Variants in IKBKB observed in about 807,000 individuals in gnomAD.
The protein encoded by IKBKB is inhibitor of nuclear factor kappa B kinase subunit beta.
A neutral mutation model predicts 113.6 loss-of-function variants in IKBKB; 42 were observed. The ratio of observed to expected loss-of-function variants is 0.37; its 90% CI spans 0.29 to 0.48. IKBKB has a LOEUF of 0.48. Among genes scored for constraint, IKBKB ranks in the 20% least tolerant of loss-of-function variants. The pLI is 0.99. For missense variants in IKBKB, 673 were observed against 939.7 expected, an observed-to-expected ratio of 0.72 and a Z score of 3.71; for synonymous variants, 296 against 361.3, an observed-to-expected ratio of 0.82 and a Z score of 2.05.
intron 5 of IKBKB, among the ~76,000 whole-genome samples, chr8:42,297,831 G>A (rs2130421919): frequency 6.6e-6 from 1 of 152,192 alleles, no homozygotes; most frequent in East Asian, 1.9e-4. Flanking sequence ...GGAGGCAGAG[G>A]TTGCAGTGAG....
At chr8:42,296,888 T>A (rs190224522) in intron 5 of IKBKB, among the ~76,000 whole-genome samples, 1 of 152,232 alleles carries the variant, frequency 6.6e-6, no homozygotes, top group Non-Finnish European at 1.5e-5. Flanking sequence ...TGAGGTGATA[T>A]AAATAAAGCT....
intron 2 of IKBKB, among the ~76,000 whole-genome samples, chr8:42,280,485 G>A (rs532204269): frequency 7.9e-5 from 12 of 152,260 alleles, no homozygotes; most frequent in African/African-American, 2.2e-4. Context: ...GAGTGGGGGC[G>A]GGAAACACGA....
At chr8:42,315,455 T>G (rs1027066521) in intron 9 of IKBKB, among the ~76,000 whole-genome samples, 5 of 151,540 alleles carry the variant, frequency 3.3e-5, no homozygotes, top group Non-Finnish European at 7.4e-5. Context: ...GTTTGGGAGG[T>G]GGTGAGTAGC....
chr8:42,285,561 G>GA (rs1240465628), intron 2 of IKBKB, among the ~76,000 whole-genome samples: 1 of 152,068 alleles, frequency 6.6e-6, no homozygotes, highest in Non-Finnish European at 1.5e-5. Flanking sequence ...TCTCTAAAAA[G>GA]AAAAAATAGC....
chr8:42,297,981 C>T, intron 5 of IKBKB: 1 of 489,460 alleles, frequency 2.0e-6, no homozygotes, highest in Non-Finnish European at 2.7e-6. Context: ...TCTGCCAGAC[C>T]ATCACTCCAT....
intron 21 of IKBKB, 23 bp downstream of exon 21, chr8:42,329,237 T>C: frequency 6.5e-7 from 1 of 1,541,912 alleles, no homozygotes; most frequent in South Asian, 1.2e-5. Flanking sequence ...GTGAGACTCC[T>C]GCGATTCCAT....
chr8:42,323,873 A>G (rs1820238229), intron 19 of IKBKB, among the ~76,000 whole-genome samples: 1 of 152,212 alleles, frequency 6.6e-6, no homozygotes, highest in Admixed American at 6.5e-5. Flanking sequence ...CTGAATGCTA[A>G]CTATATGCCC....
At chr8:42,320,991 C>A (rs4737043) in intron 16 of IKBKB, 147 bp downstream of exon 16, 3 of 520,630 alleles carry the variant, frequency 5.8e-6, no homozygotes, top group Non-Finnish European at 1.0e-5. Flanking sequence ...AGCAAATCAT[C>A]ACTGAGCTTC....
chr8:42,325,990 C>T lies in IKBKB; in HGVS notation c.2007C>T (p.Val669=). The change falls in exon 20 of 22, where the codon GTC becomes GTT. Residue 669 remains valine, a synonymous_variant. Transcript: ENST00000520810. The part of the protein sequence containing the change: ...KIACSKVRGP[V]SGSPDSMNAS... ...CCTAGAGCAAGGTCCGTGGTCCTGT[C>T]AGTGGAAGCCCGGATAGCATGAATG... 2 of 1,614,204 alleles carry T rather than the reference C, an allele frequency of 1.2e-6. No individual in the cohort carries two copies. The highest frequency in any genetic ancestry group is 1.6e-4 in the Middle Eastern group (1 of 6,062).
At position 42,318,689 on chromosome 8, in the gene IKBKB, C is replaced by CT. The variant is rs772463609; in HGVS notation, c.1364+23dup. 136 of 1,563,756 alleles carry CT rather than the reference C, an allele frequency of 8.7e-5. No individual in the cohort carries two copies. The highest frequency in any genetic ancestry group is 2.6e-4 in the South Asian group (22 of 85,456). ...GCGAGCCGCCATGTAGCGTGCCAGGCTTTTTTTTTAAACTTAATTTATTTA... is the reference window on the plus strand; with the variant it reads ...GCGAGCCGCCATGTAGCGTGCCAGGCTTTTTTTTTTAAACTTAATTTATTTA... On this transcript the variant is annotated intron_variant, in intron 13 of 21. Coordinates refer to ENST00000520810, the MANE Select transcript of IKBKB (RefSeq NM_001556.3).
rs117511244 is a variant in IKBKB at position 42,301,824 on chromosome 8, C to T, written c.389-3363C>T. Among the ~76,000 whole-genome samples the T allele has an allele frequency of 8.3e-4, 126 of 152,310 alleles. 1 individual carries two copies. The East Asian group carries it at 0.02, about 25-fold the overall frequency. On this transcript the variant is annotated intron_variant, in intron 5 of 21. Coordinates refer to ENST00000520810, the MANE Select transcript of IKBKB (RefSeq NM_001556.3). ...CCTTTGGTCTAATCCGAATGCTCCT[C>T]CTCTTCACTGGGGGGTTCTGGGGAC...
rs2130727602 is a variant in IKBKB at position 42,327,932 on chromosome 8, TCCCGA to T, written c.2115-1191_2115-1187del. The stretch of plus-strand genomic sequence containing the variant: ...TTCACGCCATTCTCCTGCCTCAGCC[TCCCGA>T]GTAGCTGGGACTACAGGCGCCCGCC... On this transcript the variant is annotated intron_variant, in intron 20 of 21. Coordinates refer to ENST00000520810, the MANE Select transcript of IKBKB (RefSeq NM_001556.3). 5.0e-5 allele frequency among the ~76,000 whole-genome samples: 2 copies of T among 40,216 alleles called. 1 individual carries two copies. Among genetic ancestry groups the T allele is most frequent in the Non-Finnish European group, 2.7e-4 (2 of 7,322 alleles). The allele number at this position is 40,216 out of a possible 152,430, so 26.4% of individuals were successfully genotyped here.
chr8:42,317,408 T>C (rs1240674282), intron 11 of IKBKB, among the ~76,000 whole-genome samples: 2 of 152,156 alleles, frequency 1.3e-5, no homozygotes, highest in Non-Finnish European at 2.9e-5. Flanking sequence ...TAGGGAAGTA[T>C]ATAGTGAATT....
chr8:42,314,442 G>T lies in IKBKB; in HGVS notation c.800+13G>T. 6.9e-7 allele frequency: 1 copy of T among 1,453,580 alleles called. No individual in the cohort carries two copies. Among genetic ancestry groups the T allele is most frequent in the South Asian group, 1.1e-5 (1 of 87,756 alleles). 90.0% of individuals were successfully genotyped at this position (1,453,580 alleles called of 1,614,324 possible). A position where few individuals can be genotyped will look rare whatever the true frequency, so the allele number is the denominator to read the frequency against. On this transcript the variant is annotated intron_variant, in intron 9 of 21. Transcript: ENST00000520810. ...ATAATCTTAACAGGTAAGGCACAGCGGCATTACACGAATACATATCTTTCT... is the reference window on the plus strand; with the variant it reads ...ATAATCTTAACAGGTAAGGCACAGCTGCATTACACGAATACATATCTTTCT...
Position 42,290,215 on chromosome 8 carries a change from C to T in IKBKB, c.260C>T (p.Ala87Val), listed in dbSNP as rs1484117443. ...GTCCCTGAGGGGATGCAGAACTTGG[C>T]GCCCAATGACCTGCCCCTGCTGGCC... ...RDVPEGMQNL[A>V]PNDLPLLAME... Residue 87 changes from alanine to valine, a missense_variant, in exon 4 of 22, where the codon GCG becomes GTG. This residue lies in a region of IKBKB where 167 missense variants were observed against 301.0 expected (regional missense o/e 0.55). Transcript: ENST00000520810. 1.2e-6 allele frequency: 2 copies of T among 1,613,576 alleles called. No individual in the cohort carries two copies. Among genetic ancestry groups the T allele is most frequent in the Admixed American group, 1.7e-5 (1 of 59,934 alleles).
chr8:42,301,235 A>C (rs1027554695), intron 5 of IKBKB, among the ~76,000 whole-genome samples: 5 of 152,216 alleles, frequency 3.3e-5, no homozygotes, highest in African/African-American at 1.2e-4. Flanking sequence ...GGAACATGAA[A>C]AATTACCTGG....
intron 2 of IKBKB, among the ~76,000 whole-genome samples, chr8:42,276,036 T>C (rs568192961): frequency 6.6e-6 from 1 of 152,306 alleles, no homozygotes; most frequent in East Asian, 1.9e-4. Context: ...AGACGGGGTT[T>C]TACCATGTTG....
At chr8:42,277,162 C>G (rs1248877319) in intron 2 of IKBKB, among the ~76,000 whole-genome samples, 1 of 149,802 alleles carries the variant, frequency 6.7e-6, no homozygotes, top group Non-Finnish European at 1.5e-5. Flanking sequence ...AGCCACCGCA[C>G]CCGGCCACGT....
At chr8:42,305,517 T>C (rs1257908086) in intron 6 of IKBKB, among the ~76,000 whole-genome samples, 2 of 152,222 alleles carry the variant, frequency 1.3e-5, no homozygotes, top group Non-Finnish European at 2.9e-5. Flanking sequence ...AGGAAAATAA[T>C]GTTTGCCTTC....
Sources: gnomAD v4.1 joint callset for allele counts (sites outside exome capture counted in the v4.1 genomes callset) on GRCh38, gnomAD v4.1.1 for gene constraint, gnomAD v4.1.1 regional missense constraint, MANE v1.5 for transcripts, NCBI Gene and HGNC (gene_info 2026-07-23, HGNC 2026-07-21) for gene names.